Variants in TDRD9 observed in about 807,000 individuals in gnomAD.
TDRD9 encodes the protein ATP-dependent RNA helicase TDRD9.
A neutral mutation model predicts 172.6 loss-of-function variants in TDRD9; 124 were observed. The observed-to-expected ratio is 0.72, with a 90% CI of 0.62 to 0.83. TDRD9 has a LOEUF of 0.83. Ranked by LOEUF, TDRD9 falls within the 40% of genes least tolerant of loss-of-function variation. The pLI, the probability that TDRD9 is intolerant of heterozygous loss-of-function variation, is 0.00. For missense variants in TDRD9, 1,479 were observed against 1,714.1 expected (o/e 0.86, Z 2.42); for synonymous variants, 619 against 617.1 (o/e 1.00, Z -0.05).
intron 1 of TDRD9, among the ~76,000 whole-genome samples, chr14:103,952,576 A>G (rs2031986699): frequency 6.6e-6 from 1 of 151,616 alleles, no homozygotes; most frequent in Non-Finnish European, 1.5e-5. Context: ...AAAAAGATTG[A>G]AAAAAATGCA....
chr14:104,033,974 A>T lies in TDRD9; in HGVS notation c.3524A>T (p.Glu1175Val), dbSNP rs2035364630. 1 of 1,550,024 alleles carries T rather than the reference A, an allele frequency of 6.5e-7. No homozygotes were observed. Among genetic ancestry groups the T allele is most frequent in the South Asian group, 1.2e-5 (1 of 83,944 alleles). ...CTGCCTTTTAGGTGTGTTTGGATTG[A>T]GAAGGAGAGCATCAACTCTGTCATT... ...RISKFRCVWIEKESINSVIIS... is the reference protein window; with the variant it reads ...RISKFRCVWIVKESINSVIIS... Residue 1175 changes from glutamate (E) to valine (V), a missense_variant, in exon 31 of 36, where the codon GAG (glutamate) becomes GTG (valine). By Grantham distance (121) the Glu-to-Val change is moderately radical (BLOSUM62 -2). Around this residue, in one of 3 missense-constraint regions of TDRD9, gnomAD observed 1,413 missense variants for 1,649.1 expected, o/e 0.86. Coordinates refer to ENST00000409874, the MANE Select transcript of TDRD9 (RefSeq NM_153046.3).
Position 103,963,189 on chromosome 14 carries a change from T to C in TDRD9, c.420+13T>C. ...ATACAAGGAAGAGGTAAAATTGTTT[T>C]GTTATACTGTAATTTTGCTGTTTGA... On this transcript the variant is annotated intron_variant, in intron 3 of 35. Coordinates refer to ENST00000409874, the MANE Select transcript of TDRD9 (RefSeq NM_153046.3). 6.6e-7 allele frequency: 1 copy of C among 1,521,064 alleles called. No homozygotes were observed. 94.2% of individuals were successfully genotyped at this position (1,521,064 alleles called of 1,614,324 possible). A position where few individuals can be genotyped will look rare whatever the true frequency, so the allele number is the denominator to read the frequency against.
chr14:103,952,823 C>G (rs2032007673), intron 1 of TDRD9, among the ~76,000 whole-genome samples: 1 of 142,456 alleles, frequency 7.0e-6, no homozygotes, highest in South Asian at 2.3e-4. Context: ...ACTGCAACCT[C>G]TGCCTCTAGG....
In TDRD9 at chr14:103,991,163, C is replaced by A. The variant is rs1212321007; in HGVS notation, c.1119C>A (p.Asn373Lys). The change falls in exon 9 of 36, where the codon AAC becomes AAA. Residue 373 changes from asparagine to lysine, a missense_variant. This residue lies in a region of TDRD9 where 1,413 missense variants were observed against 1,649.1 expected (regional missense o/e 0.86). Coordinates refer to ENST00000409874, the MANE Select transcript of TDRD9 (RefSeq NM_153046.3). The stretch of plus-strand genomic sequence containing the variant: ...GTGCACATCACATTTTTAACAGGAA[C>A]AAGGCTTGGTCGGGGGCCCAGTTTG... ...FDDLDMKESG[N>K]KAWSGAQFVL... 6.2e-7 allele frequency: 1 copy of A among 1,613,834 alleles called. No homozygotes were observed. Among genetic ancestry groups the A allele is most frequent in the Non-Finnish European group, 8.5e-7 (1 of 1,179,884 alleles).
intron 1 of TDRD9, 56 bp from the exon 2 acceptor site, chr14:103,955,608 A>G: frequency 7.1e-7 from 1 of 1,400,370 alleles, no homozygotes; most frequent in South Asian, 1.3e-5. Flanking sequence ...TGTCTAGTAC[A>G]CAAGGGTTTC....
intron 33 of TDRD9, among the ~76,000 whole-genome samples, chr14:104,041,488 A>C (rs2035609899): frequency 6.6e-6 from 1 of 152,262 alleles, no homozygotes; most frequent in South Asian, 2.1e-4. Flanking sequence ...CTGATGAAGG[A>C]CTTGTATCCA....
chr14:103,980,779 C>T lies in TDRD9; in HGVS notation c.1011+5226C>T, dbSNP rs541333036. ...GGCTAGACCATGGTCCGCTTGGCAA[C>T]GGGCGTCTTCCCAGATGCTGGCATT... On this transcript the variant is annotated intron_variant, in intron 7 of 35. Transcript: ENST00000409874. This position sits in a 1 kb window ranked among gnomAD's most constrained non-coding sequence, Gnocchi z 4.5. 2.6e-5 allele frequency among the ~76,000 whole-genome samples: 4 copies of T among 152,232 alleles called. No individual in the cohort carries two copies. Among genetic ancestry groups the T allele is most frequent in the East Asian group, 1.9e-4 (1 of 5,162 alleles).
intron 23 of TDRD9, 91 bp downstream of exon 23, chr14:104,018,283 TGGAA>T: frequency 1.3e-6 from 1 of 799,324 alleles, no homozygotes; most frequent in Non-Finnish European, 2.0e-6. Context: ...GGAGTGCCCA[TGGAA>T]ATGGGTCCTC....
chr14:103,954,211 TTAAC>T lies in TDRD9; in HGVS notation c.216-1449_216-1446del, dbSNP rs1275598389. On this transcript the variant is annotated intron_variant, in intron 1 of 35. Coordinates refer to ENST00000409874, the MANE Select transcript of TDRD9 (RefSeq NM_153046.3). Reference sequence around the variant, plus strand: ...CATGACACTTTCAAAATGATACACATTAACTAAGGTATGCCATTGTTTTAGCTTG... The same window carrying T: ...CATGACACTTTCAAAATGATACACATTAAGGTATGCCATTGTTTTAGCTTG... 4.6e-5 allele frequency among the ~76,000 whole-genome samples: 7 copies of T among 152,362 alleles called. No individual in the cohort carries two copies. The East Asian group carries it at 5.8e-4, about 13-fold the overall frequency.
chr14:103,948,466 A>G (rs887135438), intron 1 of TDRD9, among the ~76,000 whole-genome samples: 1 of 152,114 alleles, frequency 6.6e-6, no homozygotes, highest in African/African-American at 2.4e-5. Flanking sequence ...TAGAATTACT[A>G]TATGATCCAG....
intron 14 of TDRD9, 132 bp downstream of exon 14, chr14:104,004,467 CTCCCGGGT>C: frequency 2.0e-6 from 1 of 494,722 alleles, no homozygotes. Flanking sequence ...TGCAATCTGC[CTCCCGGGT>C]TTACGCGATT....
chr14:104,036,475 G>A (rs2035453640), intron 32 of TDRD9, among the ~76,000 whole-genome samples: 1 of 152,218 alleles, frequency 6.6e-6, no homozygotes, highest in East Asian at 1.9e-4. Context: ...CAAATAGCAC[G>A]CTGTGCACCT....
intron 1 of TDRD9, among the ~76,000 whole-genome samples, chr14:103,946,431 C>T (rs373862410): frequency 6.6e-6 from 1 of 152,132 alleles, no homozygotes; most frequent in Non-Finnish European, 1.5e-5. Flanking sequence ...ATGTGAAAAG[C>T]CCACAGCTAA....
At chr14:103,961,641 C>G (rs1417159299) in intron 2 of TDRD9, among the ~76,000 whole-genome samples, 1 of 150,410 alleles carries the variant, frequency 6.6e-6, no homozygotes, top group African/African-American at 2.4e-5. Flanking sequence ...TTAGGGGTCA[C>G]TAATATTTTA....
chr14:104,007,336 T>A lies in TDRD9; in HGVS notation c.2052+132T>A. On this transcript the variant is annotated intron_variant, in intron 19 of 35. Coordinates refer to ENST00000409874, the MANE Select transcript of TDRD9 (RefSeq NM_153046.3). ...CTGGAGTCGAGGTCACTGTCAGTGC[T>A]CGCACGGCTGTCCCAAGAGTGGCAG... The A allele has an allele frequency of 8.9e-6, 7 of 786,490 alleles. No individual in the cohort carries two copies. In the South Asian group the frequency reaches 1.3e-4, roughly 14 times the overall value. The allele number at this position is 786,490 out of a possible 1,614,324, so 48.7% of individuals were successfully genotyped here. A position where few individuals can be genotyped will look rare whatever the true frequency, so the allele number is the denominator to read the frequency against.
chr14:103,959,305 C>A (rs1332490235), intron 2 of TDRD9, among the ~76,000 whole-genome samples: 1 of 152,052 alleles, frequency 6.6e-6, no homozygotes, highest in Non-Finnish European at 1.5e-5. Context: ...GCTATGTTGC[C>A]CAGGTAGGCC....
At chr14:103,999,651 T>TTAATCTTCCTAACAACCCTG (rs1566771704) in intron 13 of TDRD9, among the ~76,000 whole-genome samples, 83 of 125,874 alleles carry the variant, frequency 6.6e-4, no homozygotes, top group South Asian at 9.6e-4. Context: ...AGAAAACCTT[T>TTAATCTTCCTAACAACCCTG]TGGGAAGGGT....
At chr14:104,030,448 G>A (rs978192543) in intron 28 of TDRD9, among the ~76,000 whole-genome samples, 3 of 152,168 alleles carry the variant, frequency 2.0e-5, no homozygotes, top group Admixed American at 2.0e-4. Context: ...CTGAGATTGC[G>A]CCATTGCACT....
intron 8 of TDRD9, among the ~76,000 whole-genome samples, chr14:103,988,859 G>A (rs536284667): frequency 6.6e-6 from 1 of 152,072 alleles, no homozygotes; most frequent in Admixed American, 6.6e-5. Flanking sequence ...ACACCCTGCT[G>A]ATTTTTGTAT....
Sources: gnomAD v4.1 joint callset for allele counts (sites outside exome capture counted in the v4.1 genomes callset) on GRCh38, gnomAD v4.1.1 for gene constraint, gnomAD v4.1.1 regional missense constraint, Gnocchi (gnomAD v3.1) non-coding constraint, MANE v1.5 for transcripts, NCBI Gene and HGNC (gene_info 2026-07-23, HGNC 2026-07-21) for gene names.